The following SYT15 variants were observed in gnomAD, a reference collection of about 807,000 sequenced individuals.
The protein encoded by SYT15 is synaptotagmin-15.
In SYT15, 4 loss-of-function variants were observed where a neutral mutation model predicts 30.1. The observed-to-expected ratio is 0.13, with a 90% CI of 0.07 to 0.30. The LOEUF (loss-of-function observed/expected upper bound fraction) is 0.30. Ranked by LOEUF, SYT15 falls within the 10% of genes least tolerant of loss-of-function variation. The pLI, the probability that SYT15 is intolerant of heterozygous loss-of-function variation, is 1.00. For synonymous variants in SYT15, 19 were observed against 166.3 expected, an observed-to-expected ratio of 0.11 and a Z score of 6.82; for missense variants, 49 against 371.7, an observed-to-expected ratio of 0.13 and a Z score of 7.14.
In SYT15 at chr10:46,586,841, CAA is replaced by C. The variant is rs10712659; in HGVS notation, c.1124-651_1124-650del. Among the ~76,000 whole-genome samples, 15 of 21,102 alleles carry C rather than the reference CAA, an allele frequency of 7.1e-4. 1 individual carries two copies. Among genetic ancestry groups the C allele is most frequent in the African/African-American group, 8.9e-4 (4 of 4,514 alleles). The allele number at this position is 21,102 out of a possible 152,430, so 13.8% of individuals were successfully genotyped here. On this transcript the variant is annotated intron_variant, in intron 7 of 7. Coordinates refer to ENST00000374321, the MANE Select transcript of SYT15 (RefSeq NM_031912.5). ...GCCTGTCCACAGAGCGAGACTCTGT[CAA>C]AAAAAAAAAAAAGAAAAGAAAAGAA...
chr10:46,595,008 A>AT (rs1399758535), downstream of SYT15, among the ~76,000 whole-genome samples: 2 of 94,308 alleles, frequency 2.1e-5, no homozygotes, highest in East Asian at 2.8e-4. Flanking sequence ...TCAGTGTGCA[A>AT]TTTTTTTGCT....
Position 46,580,957 on chromosome 10 carries a change from C to T in SYT15, c.276C>T (p.His92=), listed in dbSNP as rs1169758406. The T allele has an allele frequency of 8.0e-7, 1 of 1,252,844 alleles. No individual in the cohort carries two copies. The highest frequency in any genetic ancestry group is 1.7e-5 in the African/African-American group (1 of 57,172). 77.6% of individuals were successfully genotyped at this position (1,252,844 alleles called of 1,614,324 possible). The change falls in exon 3 of 8, where the codon CAC becomes CAT. Residue 92 remains histidine, a synonymous_variant. Transcript: ENST00000374321. ...TLQGRDWVPL[H]SGEWADAPWD... is the part of the protein sequence containing the mutation. The stretch of plus-strand genomic sequence containing the variant: ...AAGGCCGAGATTGGGTGCCCCTGCA[C>T]AGTGGAGAGTGGGCCGATGCCCCAT...
chr10:46,595,312 CCTTT>C (rs1845636235), downstream of SYT15, among the ~76,000 whole-genome samples: 1 of 147,016 alleles, frequency 6.8e-6, no homozygotes. Context: ...TGCCTTCCTT[CCTTT>C]CTTTCCTTTC....
downstream of SYT15, among the ~76,000 whole-genome samples, chr10:46,595,078 T>G (rs1845622284): frequency 8.0e-6 from 1 of 124,488 alleles, no homozygotes; most frequent in Admixed American, 7.8e-5. Flanking sequence ...AAGCACTCAT[T>G]TCTAACACAT....
chr10:46,586,241 CA>C (rs375456623), intron 7 of SYT15, among the ~76,000 whole-genome samples: 24 of 21,634 alleles, frequency 1.1e-3, no homozygotes, highest in African/African-American at 4.0e-3. Context: ...CTGAATCTGT[CA>C]AAAAAAAAAA....
rs374856859 is a variant in SYT15 at position 46,586,662 on chromosome 10, T to C, written c.1124-843T>C. Among the ~76,000 whole-genome samples, 7 of 140,326 alleles carry C rather than the reference T, an allele frequency of 5.0e-5. 1 individual carries two copies. The highest frequency in any genetic ancestry group is 1.1e-4 in the African/African-American group (4 of 35,654). The allele number at this position is 140,326 out of a possible 152,430, so 92.1% of individuals were successfully genotyped here. A position where few individuals can be genotyped will look rare whatever the true frequency, so the allele number is the denominator to read the frequency against. On this transcript the variant is annotated intron_variant, in intron 7 of 7. Transcript: ENST00000374321. ...GAGATCAAGACCATCCTGGCCAACA[T>C]AGTAAAATTCCGTCTGTACTAAAAA...
chr10:46,580,703 T>TGTGTGTGTGTGC (rs1844090169), intron 2 of SYT15, among the ~76,000 whole-genome samples, 191 bp from the exon 3 acceptor site: 1 of 138,520 alleles, frequency 7.2e-6, no homozygotes, highest in Non-Finnish European at 1.5e-5. Context: ...TGTGTGTGTG[T>TGTGTGTGTGTGC]GTGTGTGTGT....
In SYT15 at chr10:46,580,230, G is replaced by A; in HGVS notation, c.74G>A (p.Ser25Asn). The A allele has an allele frequency of 1.8e-6, 2 of 1,110,328 alleles. 1 individual carries two copies. The highest frequency in any genetic ancestry group is 2.5e-6 in the Non-Finnish European group (2 of 808,896). 68.8% of individuals were successfully genotyped at this position (1,110,328 alleles called of 1,614,324 possible). The change falls in exon 2 of 8, where the codon AGC (serine) becomes AAC (asparagine). Residue 25 changes from serine to asparagine, a missense_variant. Coordinates refer to ENST00000374321, the MANE Select transcript of SYT15 (RefSeq NM_031912.5). ...CTGCTGCTGCTGTTGATCGGGGCAA[G>A]CTGCTGTCTGTGGAGAAGGTTCTGT... ...GLLLLLLIGA[S>N]CCLWRRFCAT...
At chr10:46,594,499 A>C (rs1845596105), downstream of SYT15, among the ~76,000 whole-genome samples, 1 of 137,078 alleles carries the variant, frequency 7.3e-6, no homozygotes, top group Non-Finnish European at 1.5e-5. Context: ...AGATGCCTCA[A>C]GGGGAAAGTG....
chr10:46,586,263 AG>A (rs1555040713), intron 7 of SYT15, among the ~76,000 whole-genome samples: 1 of 111,418 alleles, frequency 9.0e-6, no homozygotes, highest in African/African-American at 4.0e-5. Flanking sequence ...AAAAAAAAAA[AG>A]GGCCGGGCAC....
rs1722367244 is a variant in SYT15, at chr10:46,586,728, C to T, written c.1124-777C>T. On this transcript the variant is annotated intron_variant, in intron 7 of 7. Coordinates refer to ENST00000374321, the MANE Select transcript of SYT15 (RefSeq NM_031912.5). ...GGCGTGGTGGTGCACGCCTGTAGGC[C>T]CAACTACTCGGGAGGCTGAAGCAGA... Among the ~76,000 whole-genome samples the T allele has an allele frequency of 1.6e-5, 2 of 124,026 alleles. 1 individual carries two copies. The highest frequency in any genetic ancestry group is 3.3e-5 in the Non-Finnish European group (2 of 59,802). 81.4% of individuals were successfully genotyped at this position (124,026 alleles called of 152,430 possible). A position where few individuals can be genotyped will look rare whatever the true frequency, so the allele number is the denominator to read the frequency against.
In SYT15 at chr10:46,586,613, G is replaced by A. The variant is rs542372418; in HGVS notation, c.1123+836G>A. ...TATAATCCTAGCACTTTGGGAGACC[G>A]AGAGGGGTGGATCACGACGTCAAGA... On this transcript the variant is annotated intron_variant, in intron 7 of 7. Transcript: ENST00000374321. 6.3e-3 allele frequency among the ~76,000 whole-genome samples: 892 copies of A among 141,104 alleles called. 145 individuals carry two copies. Among genetic ancestry groups the A allele is most frequent in the African/African-American group, 0.024 (850 of 35,916 alleles). 92.6% of individuals were successfully genotyped at this position (141,104 alleles called of 152,430 possible). A position where few individuals can be genotyped will look rare whatever the true frequency, so the allele number is the denominator to read the frequency against.
At position 46,586,241 on chromosome 10, in the gene SYT15, CAAAAAAAAAA is replaced by C. The variant is rs375456623; in HGVS notation, c.1123+477_1123+486del. Among the ~76,000 whole-genome samples the C allele has an allele frequency of 2.6e-3, 57 of 21,644 alleles. 5 individuals are homozygous for C. The highest frequency in any genetic ancestry group is 1.8e-3 in the Non-Finnish European group (20 of 10,836). 14.2% of individuals were successfully genotyped at this position (21,644 alleles called of 152,430 possible). A position where few individuals can be genotyped will look rare whatever the true frequency, so the allele number is the denominator to read the frequency against. The stretch of plus-strand genomic sequence containing the variant: ...CAGGAGGCGAGGCTGCTGAATCTGT[CAAAAAAAAAA>C]AAAAAAAAAAAAGGGCCGGGCACGG... On this transcript the variant is annotated intron_variant, in intron 7 of 7. Transcript: ENST00000374321.
chr10:46,580,680 CTGTG>C (rs10588659), intron 2 of SYT15, among the ~76,000 whole-genome samples: 30,093 of 125,048 alleles, frequency 0.24, 5,520 homozygotes, highest in Admixed American at 0.3. Context: ...AATCCCACTG[CTGTG>C]TGTGTGTGTG....
intron 4 of SYT15, 102 bp downstream of exon 4, chr10:46,582,293 GC>G (rs1390637503): frequency 5.1e-6 from 4 of 791,218 alleles, no homozygotes; most frequent in Non-Finnish European, 8.1e-6. Context: ...GGGCTCTGCA[GC>G]CCCCGGGACC....
At chr10:46,595,263 G>T (rs1284516073), downstream of SYT15, among the ~76,000 whole-genome samples, 33 of 135,990 alleles carry the variant, frequency 2.4e-4, no homozygotes, top group African/African-American at 9.0e-4. Flanking sequence ...GAGTAGCTGG[G>T]ATTACAGGCA....
At chr10:46,595,133 C>CTT (rs5784692), downstream of SYT15, among the ~76,000 whole-genome samples, 2 of 129,318 alleles carry the variant, frequency 1.5e-5, no homozygotes, top group African/African-American at 6.5e-5. Context: ...AGGCAACTCA[C>CTT]TTTTTTTTTT....
intron 7 of SYT15, among the ~76,000 whole-genome samples, chr10:46,585,988 CA>C (rs1844868023): frequency 8.9e-6 from 1 of 111,858 alleles, no homozygotes; most frequent in African/African-American, 4.1e-5. Context: ...CTGTCTGTGG[CA>C]CCCTAGAAAC....
downstream of SYT15, chr10:46,593,752 C>G (rs1411076239): frequency 9.1e-6 from 1 of 110,182 alleles, no homozygotes; most frequent in Non-Finnish European, 1.8e-5. Context: ...TTCTAAGACT[C>G]CAGTTACATA....
Sources: allele counts gnomAD v4.1 joint callset (sites outside exome capture counted in the v4.1 genomes callset), GRCh38; gene constraint gnomAD v4.1.1; transcripts MANE v1.5; gene names NCBI Gene and HGNC (gene_info 2026-07-23, HGNC 2026-07-21).